GRIA4: variants seen among roughly 807,000 people sequenced by gnomAD.
The protein encoded by GRIA4 is glutamate ionotropic receptor AMPA type subunit 4, also known as glutamate receptor 4.
GRIA4 carries 34 observed loss-of-function variants against 104.0 expected under a neutral mutation model. The ratio of observed to expected loss-of-function variants is 0.33; its 90% CI spans 0.25 to 0.44. The LOEUF is 0.44. GRIA4 is among the 20% of genes least tolerant of loss of function. GRIA4 has a pLI of 1.00. For synonymous variants in GRIA4, 386 were observed against 381.9 expected (o/e 1.01, Z -0.13); for missense variants, 750 against 1,096.5 (o/e 0.68, Z 4.46).
intron 3 of GRIA4, among the ~76,000 whole-genome samples, chr11:105,652,139 T>C (rs891918850): frequency 2.6e-5 from 4 of 152,144 alleles, no homozygotes; most frequent in Admixed American, 6.5e-5. Context: ...ATGACAAACA[T>C]TCAGCATTTT....
intron 4 of GRIA4, among the ~76,000 whole-genome samples, chr11:105,817,166 A>G (rs1283360197): frequency 6.6e-6 from 1 of 151,990 alleles, no homozygotes; most frequent in Non-Finnish European, 1.5e-5. Context: ...TAATGGGGAA[A>G]TATTGATAGT....
chr11:105,974,614 G>A, intron 16 of GRIA4, 170 bp downstream of exon 16: 1 of 1,540,026 alleles, frequency 6.5e-7, no homozygotes, highest in Non-Finnish European at 8.9e-7. Flanking sequence ...ACGCAGTGTT[G>A]TGACCTGTCT....
intron 5 of GRIA4, among the ~76,000 whole-genome samples, chr11:105,882,260 A>G (rs1416910830): frequency 6.6e-6 from 1 of 152,196 alleles, no homozygotes; most frequent in Non-Finnish European, 1.5e-5. Context: ...CAGTTGACTT[A>G]TAAGATCAAA....
At chr11:105,809,343 T>C (rs982057732) in intron 4 of GRIA4, among the ~76,000 whole-genome samples, 2 of 152,150 alleles carry the variant, frequency 1.3e-5, no homozygotes, top group East Asian at 3.9e-4. Flanking sequence ...CAAACACTTA[T>C]CATTTATTTG....
At chr11:105,871,781 T>C (rs975927268) in intron 5 of GRIA4, among the ~76,000 whole-genome samples, 1 of 152,028 alleles carries the variant, frequency 6.6e-6, no homozygotes, top group Non-Finnish European at 1.5e-5. Flanking sequence ...ATTTAAAACA[T>C]GCAAATGTAA....
intron 5 of GRIA4, among the ~76,000 whole-genome samples, chr11:105,864,309 G>C (rs1945330674): frequency 6.6e-6 from 1 of 151,996 alleles, no homozygotes. Context: ...TTTACTCTTG[G>C]CTCTTCCACA....
At chr11:105,869,784 A>T (rs1302926082) in intron 5 of GRIA4, among the ~76,000 whole-genome samples, 1 of 152,078 alleles carries the variant, frequency 6.6e-6, no homozygotes, top group Non-Finnish European at 1.5e-5. Flanking sequence ...TCAGTCAGAA[A>T]AGTAATGGAA....
At chr11:105,863,581 A>G (rs1174605497) in intron 5 of GRIA4, among the ~76,000 whole-genome samples, 2 of 152,170 alleles carry the variant, frequency 1.3e-5, no homozygotes, top group African/African-American at 2.4e-5. Context: ...TTTCTTAAGC[A>G]ATACAGCCAC....
At chr11:105,718,710 G>A (rs951357398) in intron 3 of GRIA4, among the ~76,000 whole-genome samples, 2 of 152,158 alleles carry the variant, frequency 1.3e-5, no homozygotes, top group Admixed American at 1.3e-4. Context: ...CCTAAAAGGA[G>A]CTACTTGAAG....
At chr11:105,886,787 G>A (rs185052613) in intron 5 of GRIA4, among the ~76,000 whole-genome samples, 5 of 151,918 alleles carry the variant, frequency 3.3e-5, no homozygotes, top group African/African-American at 1.2e-4. Context: ...GTTTTTCAGA[G>A]AATGAGAGTT....
chr11:105,878,442 T>C (rs899818828), intron 5 of GRIA4, among the ~76,000 whole-genome samples: 6 of 152,174 alleles, frequency 3.9e-5, no homozygotes, highest in Admixed American at 3.9e-4. Flanking sequence ...GCTCAAGCAC[T>C]GTGCTGGGAG....
chr11:105,902,606 ATT>A (rs1002319010), intron 7 of GRIA4, among the ~76,000 whole-genome samples: 30 of 152,270 alleles, frequency 2.0e-4, no homozygotes, highest in Admixed American at 1.8e-3. Flanking sequence ...AACTGCTAGG[ATT>A]ACAGGTGTGA....
intron 4 of GRIA4, among the ~76,000 whole-genome samples, chr11:105,823,931 T>A (rs992898893): frequency 6.6e-6 from 1 of 152,098 alleles, no homozygotes; most frequent in Non-Finnish European, 1.5e-5. Flanking sequence ...CCAATTTGAC[T>A]GATGTCCTTA....
chr11:105,899,398 T>G (rs1166465804), intron 7 of GRIA4, among the ~76,000 whole-genome samples: 3 of 152,216 alleles, frequency 2.0e-5, no homozygotes, highest in South Asian at 2.1e-4. Flanking sequence ...GATTTGTTAG[T>G]TGGCTGTCCT....
intron 3 of GRIA4, among the ~76,000 whole-genome samples, chr11:105,670,320 T>C (rs536231478): frequency 1.3e-5 from 2 of 152,264 alleles, no homozygotes; most frequent in South Asian, 2.1e-4. Context: ...TAAAATGTCA[T>C]ACATTTGTAG....
chr11:105,780,269 G>C (rs942868249), intron 4 of GRIA4, among the ~76,000 whole-genome samples: 1 of 152,130 alleles, frequency 6.6e-6, no homozygotes, highest in Non-Finnish European at 1.5e-5. Flanking sequence ...GGGAAAGAAA[G>C]GCAACAGACC....
intron 15 of GRIA4, 89 bp from the exon 16 acceptor site, chr11:105,974,221 C>A: frequency 7.6e-7 from 1 of 1,310,824 alleles, no homozygotes; most frequent in Non-Finnish European, 1.1e-6. Flanking sequence ...TAAGCATTTA[C>A]TTTCATTGGC....
intron 5 of GRIA4, among the ~76,000 whole-genome samples, chr11:105,866,532 CAT>C (rs142572225): frequency 0.14 from 14,312 of 98,856 alleles, 1,035 homozygotes; most frequent in Non-Finnish European, 0.16. Flanking sequence ...CATATATACG[CAT>C]ATGTGTGTGT....
At chr11:105,893,672 T>C (rs1946535846) in intron 6 of GRIA4, among the ~76,000 whole-genome samples, 1 of 152,228 alleles carries the variant, frequency 6.6e-6, no homozygotes, top group Non-Finnish European at 1.5e-5. Context: ...GCTTTGCCTC[T>C]TTATGCTGCA....
Sources: allele counts gnomAD v4.1 joint callset (sites outside exome capture counted in the v4.1 genomes callset), GRCh38; gene constraint gnomAD v4.1.1; transcripts MANE v1.5; gene names NCBI Gene and HGNC (gene_info 2026-07-23, HGNC 2026-07-21).